KIF5A: variants seen among roughly 807,000 people sequenced by gnomAD.
KIF5A encodes the protein kinesin family member 5A.
A neutral mutation model predicts 141.3 loss-of-function variants in KIF5A; 35 were observed. The observed-to-expected ratio is 0.25, with a 90% CI of 0.19 to 0.33. The LOEUF (loss-of-function observed/expected upper bound fraction) is 0.33, where lower values mean the gene tolerates loss of function less well. KIF5A is among the 10% of genes least tolerant of loss of function. The pLI, the probability that KIF5A is intolerant of heterozygous loss-of-function variation, is 1.00. For synonymous variants in KIF5A, 448 were observed against 500.2 expected, an observed-to-expected ratio of 0.90 and a Z score of 1.39; for missense variants, 861 against 1,314.3, an observed-to-expected ratio of 0.66 and a Z score of 5.33.
At position 57,578,360 on chromosome 12, in the gene KIF5A, G is replaced by A. The variant is rs747524040; in HGVS notation, c.2538+18G>A. On this transcript the variant is annotated intron_variant, in intron 23 of 28. Transcript: ENST00000455537. Reference sequence around the variant, plus strand: ...ACAAACAGGTAAGAGTCTGCTGAAGGAGTGAAGAGAATTTTTGAGGCCGGG... The same window carrying A: ...ACAAACAGGTAAGAGTCTGCTGAAGAAGTGAAGAGAATTTTTGAGGCCGGG... 1 of 1,576,488 alleles carries A rather than the reference G, an allele frequency of 6.3e-7. No individual in the cohort carries two copies. The highest frequency in any genetic ancestry group is 8.7e-7 in the Non-Finnish European group (1 of 1,145,764).
In KIF5A at chr12:57,577,781, G is replaced by A. The variant is rs1471591072; in HGVS notation, c.2361+8G>A. ...GGTCTGGAGGAGACAGTTGTGAGTG[G>A]TTCCCTTCTGTGCCAAATTCACAGG... On this transcript the variant is annotated splice_region_variant and intron_variant, in intron 21 of 28. Transcript: ENST00000455537. The A allele has an allele frequency of 1.2e-6, 2 of 1,610,472 alleles. No homozygotes were observed. Among genetic ancestry groups the A allele is most frequent in the East Asian group, 4.5e-5 (2 of 44,854 alleles).
Position 57,572,854 on chromosome 12 carries a change from AC to A in KIF5A, c.1716+131del. 1 of 1,123,102 alleles carries A rather than the reference AC, an allele frequency of 8.9e-7. No homozygotes were observed. The highest frequency in any genetic ancestry group is 1.4e-6 in the Non-Finnish European group (1 of 737,876). 69.6% of individuals were successfully genotyped at this position (1,123,102 alleles called of 1,614,324 possible). On this transcript the variant is annotated intron_variant, in intron 15 of 28. Coordinates refer to ENST00000455537, the MANE Select transcript of KIF5A (RefSeq NM_004984.4). This position sits in a 1 kb window ranked among gnomAD's most constrained non-coding sequence, Gnocchi z 4.2. ...GCCAGGAAACATGCCTTTGAACTAG[AC>A]CCAGGAAGACAGGTAGAGGCTTGTA...
chr12:57,569,476 T>A lies in KIF5A; in HGVS notation c.969-59T>A. 3.1e-6 allele frequency: 5 copies of A among 1,613,556 alleles called. No individual in the cohort carries two copies. In the Admixed American group the frequency reaches 8.3e-5, roughly 27 times the overall value. On this transcript the variant is annotated intron_variant, in intron 10 of 28. Coordinates refer to ENST00000455537, the MANE Select transcript of KIF5A (RefSeq NM_004984.4). The stretch of plus-strand genomic sequence containing the variant: ...TCCCAGCCTCTGCGGCTCTCTCTCC[T>A]CAGGGTCACCCAAGTCTCATGTTGC...
chr12:57,572,423 T>G lies in KIF5A; in HGVS notation c.1569+156T>G, dbSNP rs923225852. Among the ~76,000 whole-genome samples, 3 of 152,212 alleles carry G rather than the reference T, an allele frequency of 2.0e-5. No individual in the cohort carries two copies. The highest frequency in any genetic ancestry group is 7.2e-5 in the African/African-American group (3 of 41,438). On this transcript the variant is annotated intron_variant, in intron 14 of 28. Transcript: ENST00000455537. The surrounding 1 kb of genome is among the most constrained non-coding windows in gnomAD (Gnocchi z 4.2). ...CCTCCCCAACCCTGTCACTGCACTT[T>G]CCCCTCACAGTCCCTCTGTCTTTCA...
chr12:57,581,628 A>G (rs1882605370), intron 25 of KIF5A, 60 bp downstream of exon 25: 2 of 1,558,862 alleles, frequency 1.3e-6, no homozygotes, highest in Non-Finnish European at 8.8e-7. Context: ...CCTAGAAGGC[A>G]TAGGGTGGGG....
At chr12:57,576,915 T>G in intron 20 of KIF5A, 53 bp downstream of exon 20, 1 of 1,345,568 alleles carries the variant, frequency 7.4e-7, no homozygotes, top group African/African-American at 1.4e-5. Context: ...CTCAGAACTG[T>G]GAACTCAGAC....
Position 57,582,864 on chromosome 12 carries a change from C to G in KIF5A, c.3020+235C>G, listed in dbSNP as rs2888334. ...CTTCTCCCTATTCCAGTGATAAGGTCTGGACGAAAACAACGTGGGCATCTG... is the reference window on the plus strand; with the variant it reads ...CTTCTCCCTATTCCAGTGATAAGGTGTGGACGAAAACAACGTGGGCATCTG... On this transcript the variant is annotated intron_variant, in intron 27 of 28. Transcript: ENST00000455537. The G allele has an allele frequency of 0.33, 208,731 of 638,542 alleles. 38,175 individuals carry two copies. The highest frequency in any genetic ancestry group is 0.65 in the East Asian group (23,908 of 36,782). 39.6% of individuals were successfully genotyped at this position (638,542 alleles called of 1,614,324 possible). A position where few individuals can be genotyped will look rare whatever the true frequency, so the allele number is the denominator to read the frequency against.
chr12:57,570,949 C>T (rs1316500134), intron 12 of KIF5A, among the ~76,000 whole-genome samples: 19 of 146,860 alleles, frequency 1.3e-4, no homozygotes, highest in Middle Eastern at 3.4e-3. Context: ...CACACCACCA[C>T]GCCCAGCTAA....
chr12:57,561,579 A>G (rs991565258), intron 1 of KIF5A, among the ~76,000 whole-genome samples: 8 of 152,158 alleles, frequency 5.3e-5, no homozygotes, highest in Admixed American at 4.6e-4. Context: ...TATAAGCCAA[A>G]TTTAATTGTT....
Position 57,550,468 on chromosome 12 carries a change from C to T in KIF5A, c.129+68C>T. The T allele has an allele frequency of 6.5e-7, 1 of 1,532,046 alleles. No individual in the cohort carries two copies. Among genetic ancestry groups the T allele is most frequent in the Non-Finnish European group, 9.0e-7 (1 of 1,109,168 alleles). 94.9% of individuals were successfully genotyped at this position (1,532,046 alleles called of 1,614,324 possible). On this transcript the variant is annotated intron_variant, in intron 1 of 28. Transcript: ENST00000455537. This position sits in a 1 kb window ranked among gnomAD's most constrained non-coding sequence, Gnocchi z 4.6. ...CTGAATCTCCCCGCCCCCCGCAGAG[C>T]CTTAGTCTCTGCTGGTCCCTTTGCT...
Position 57,582,671 on chromosome 12 carries a change from C to T in KIF5A, c.3020+42C>T, listed in dbSNP as rs369261463. The T allele has an allele frequency of 1.9e-4, 296 of 1,527,058 alleles. 3 individuals carry two copies. Among genetic ancestry groups the T allele is most frequent in the Middle Eastern group, 1.2e-3 (7 of 5,908 alleles). The allele number at this position is 1,527,058 out of a possible 1,614,324, so 94.6% of individuals were successfully genotyped here. A position where few individuals can be genotyped will look rare whatever the true frequency, so the allele number is the denominator to read the frequency against. On this transcript the variant is annotated intron_variant, in intron 27 of 28. Coordinates refer to ENST00000455537, the MANE Select transcript of KIF5A (RefSeq NM_004984.4). ...TACCCCTGGGTTCTCTGGGTGGGACCAGAAGAAATGATTAAATTTCCCTTG... is the reference window on the plus strand; with the variant it reads ...TACCCCTGGGTTCTCTGGGTGGGACTAGAAGAAATGATTAAATTTCCCTTG...
At position 57,550,122 on chromosome 12, in the gene KIF5A, C is replaced by A; in HGVS notation, c.-150C>A. ...AGAGAGACAGCGCGCCCCGGCCCTGCTCCCCAGGCTTCGCCCGGGCGCCCT... is the reference window on the plus strand; with the variant it reads ...AGAGAGACAGCGCGCCCCGGCCCTGATCCCCAGGCTTCGCCCGGGCGCCCT... On this transcript the variant is annotated 5_prime_UTR_variant, in exon 1 of 29. Coordinates refer to ENST00000455537, the MANE Select transcript of KIF5A (RefSeq NM_004984.4). This position sits in a 1 kb window ranked among gnomAD's most constrained non-coding sequence, Gnocchi z 4.6. 1 of 1,075,586 alleles carries A rather than the reference C, an allele frequency of 9.3e-7. No individual in the cohort carries two copies. The highest frequency in any genetic ancestry group is 1.4e-6 in the Non-Finnish European group (1 of 716,714). The allele number at this position is 1,075,586 out of a possible 1,614,324, so 66.6% of individuals were successfully genotyped here.
chr12:57,582,064 G>T (rs557822476), intron 26 of KIF5A, 112 bp downstream of exon 26: 1 of 882,570 alleles, frequency 1.1e-6, no homozygotes, highest in Non-Finnish European at 1.9e-6. Context: ...TTTCTGGTGT[G>T]CCAAGGCTTC....
rs779228716 is a variant in KIF5A at position 57,575,674 on chromosome 12, T to C, written c.1940T>C (p.Met647Thr). The part of the protein sequence containing the change: ...EAKIRSLTEY[M>T]QSVELKKRHL... ...AAGATCCGCTCGCTTACGGAATACA[T>C]GCAGAGCGTGGAGCTAAAGAAGCGG... The change falls in exon 17 of 29, where the codon ATG becomes ACG. Residue 647 changes from methionine to threonine, a missense_variant. Around this residue, in one of 5 missense-constraint regions of KIF5A, gnomAD observed 482 missense variants for 661.3 expected, o/e 0.73. Transcript: ENST00000455537. The C allele has an allele frequency of 1.2e-6, 2 of 1,614,142 alleles. No individual in the cohort carries two copies. The highest frequency in any genetic ancestry group is 1.3e-5 in the African/African-American group (1 of 75,030).
intron 1 of KIF5A, among the ~76,000 whole-genome samples, chr12:57,561,406 C>T (rs1243235964): frequency 6.6e-6 from 1 of 152,154 alleles, no homozygotes; most frequent in African/African-American, 2.4e-5. Flanking sequence ...ACAGTATGGA[C>T]ATTTAAATAT....
Position 57,556,284 on chromosome 12 carries a change from G to A in KIF5A, c.129+5884G>A, listed in dbSNP as rs12426709. On this transcript the variant is annotated intron_variant, in intron 1 of 28. Coordinates refer to ENST00000455537, the MANE Select transcript of KIF5A (RefSeq NM_004984.4). ...CTCCCAAGCAGCTGGGACTACAGGCGCCTGCCACCACGCCCGGCTAATTTT... is the reference window on the plus strand; with the variant it reads ...CTCCCAAGCAGCTGGGACTACAGGCACCTGCCACCACGCCCGGCTAATTTT... Among the ~76,000 whole-genome samples, 987 of 152,008 alleles carry A rather than the reference G, an allele frequency of 6.5e-3. 32 individuals carry two copies. The East Asian group carries it at 0.073, about 11-fold the overall frequency.
chr12:57,572,381 T>C lies in KIF5A; in HGVS notation c.1569+114T>C. On this transcript the variant is annotated intron_variant, in intron 14 of 28. Coordinates refer to ENST00000455537, the MANE Select transcript of KIF5A (RefSeq NM_004984.4). This position sits in a 1 kb window ranked among gnomAD's most constrained non-coding sequence, Gnocchi z 4.2. ...GGTGGCTGCACCTCTGCACTGCTGT[T>C]CAGTGCATTGTGAGTCCCTCCCCAA... is the stretch of plus-strand genomic sequence containing the variant. The C allele has an allele frequency of 8.0e-7, 1 of 1,251,440 alleles. No individual in the cohort carries two copies. The allele number at this position is 1,251,440 out of a possible 1,614,324, so 77.5% of individuals were successfully genotyped here.
intron 1 of KIF5A, among the ~76,000 whole-genome samples, chr12:57,552,561 C>T (rs558367186): frequency 2.0e-5 from 3 of 152,152 alleles, no homozygotes; most frequent in Non-Finnish European, 4.4e-5. Context: ...TAGGCAACAT[C>T]CTTGGAGTTT....
Position 57,550,449 on chromosome 12 carries a change from C to T in KIF5A, c.129+49C>T. ...TCGGGGAGGGGGCAGGTGGCTGAAT[C>T]TCCCCGCCCCCCGCAGAGCCTTAGT... On this transcript the variant is annotated intron_variant, in intron 1 of 28. Coordinates refer to ENST00000455537, the MANE Select transcript of KIF5A (RefSeq NM_004984.4). This position sits in a 1 kb window ranked among gnomAD's most constrained non-coding sequence, Gnocchi z 4.6. 1 of 1,599,874 alleles carries T rather than the reference C, an allele frequency of 6.3e-7. No homozygotes were observed. The highest frequency in any genetic ancestry group is 8.6e-7 in the Non-Finnish European group (1 of 1,168,528).
Sources: gnomAD v4.1 joint callset for allele counts (sites outside exome capture counted in the v4.1 genomes callset) on GRCh38, gnomAD v4.1.1 for gene constraint, gnomAD v4.1.1 regional missense constraint, Gnocchi (gnomAD v3.1) non-coding constraint, MANE v1.5 for transcripts, NCBI Gene and HGNC (gene_info 2026-07-23, HGNC 2026-07-21) for gene names.